TRIM58: variants seen among roughly 807,000 people sequenced by gnomAD.
TRIM58 encodes the protein tripartite motif containing 58.
A neutral mutation model predicts 34.1 loss-of-function variants in TRIM58; 38 were observed. The observed-to-expected ratio is 1.12, with a 90% CI of 0.86 to 1.46. The LOEUF (loss-of-function observed/expected upper bound fraction) is 1.46. Ranked by LOEUF, TRIM58 falls within the 40% of genes most tolerant of loss-of-function variation. The probability of loss-of-function intolerance (pLI) is 0.00; values close to 1 mark genes in which losing one functional copy is unlikely to be tolerated. For missense variants in TRIM58, 677 were observed against 642.0 expected (o/e 1.05, Z -0.59); for synonymous variants, 273 against 275.7 (o/e 0.99, Z 0.10).
rs1209410042 is a variant in TRIM58 at position 247,868,071 on chromosome 1, C to A, written c.871+8C>A. 6.3e-6 allele frequency: 10 copies of A among 1,594,586 alleles called. No homozygotes were observed. The African/African-American group carries it at 1.3e-4, about 21-fold the overall frequency. On this transcript the variant is annotated splice_region_variant and intron_variant, in intron 5 of 5. Transcript: ENST00000366481. ...TCTTAAGGAAGTTCCAAGGTAGTTG[C>A]ATCTTAGAGACTGGGAATTAGGCTG... is the stretch of plus-strand genomic sequence containing the variant.
In TRIM58 at chr1:247,864,916, C is replaced by T. The variant is rs200576401; in HGVS notation, c.728C>T (p.Pro243Leu). ...ADELQERCQR[P>L]ALGLLEGVRG... ...GAGCTGCAGGAGAGGTGCCAGCGCC[C>T]GGCCCTGGGTCTGCTGGAGGTGAGG... Residue 243 changes from proline (P) to leucine (L), a missense_variant, in exon 3 of 6, where the codon CCG becomes CTG. Pro to Leu is a moderately conservative substitution (Grantham distance 98, BLOSUM62 -3). Transcript: ENST00000366481. 1.8e-4 allele frequency: 283 copies of T among 1,588,156 alleles called. No homozygotes were observed. In the African/African-American group the frequency reaches 3.4e-3, roughly 19 times the overall value.
Position 247,857,451 on chromosome 1 carries a change from T to C in TRIM58, c.205T>C (p.Phe69Leu), listed in dbSNP as rs1456305138. 2 of 1,410,448 alleles carry C rather than the reference T, an allele frequency of 1.4e-6. No individual in the cohort carries two copies. The highest frequency in any genetic ancestry group is 1.9e-6 in the Non-Finnish European group (2 of 1,074,918). 87.4% of individuals were successfully genotyped at this position (1,410,448 alleles called of 1,614,324 possible). A position where few individuals can be genotyped will look rare whatever the true frequency, so the allele number is the denominator to read the frequency against. The change falls in exon 1 of 6, where the codon TTT (phenylalanine) becomes CTT (leucine). Residue 69 changes from phenylalanine (F) to leucine (L), a missense_variant. Phe to Leu is a conservative substitution (Grantham distance 22, BLOSUM62 0). Transcript: ENST00000366481. ...CCGGGGCCCCTTCCGGCCCTCGGGC[T>C]TTCGCCCCAACCGGCAGCTGGCGGG... ...QCRGPFRPSG[F>L]RPNRQLAGLV...
intron 5 of TRIM58, among the ~76,000 whole-genome samples, chr1:247,874,180 C>T (rs1398528261): frequency 1.3e-5 from 2 of 152,170 alleles, no homozygotes; most frequent in Non-Finnish European, 2.9e-5. Flanking sequence ...TATTTTGGCT[C>T]ATGGTTCTGT....
chr1:247,868,117 C>T lies in TRIM58; in HGVS notation c.871+54C>T, dbSNP rs373916730. 2.6e-5 allele frequency: 38 copies of T among 1,473,070 alleles called. 2 individuals are homozygous for T. The highest frequency in any genetic ancestry group is 1.9e-4 in the East Asian group (8 of 41,916). 91.2% of individuals were successfully genotyped at this position (1,473,070 alleles called of 1,614,324 possible). A position where few individuals can be genotyped will look rare whatever the true frequency, so the allele number is the denominator to read the frequency against. ...GGCTGCCTGGGGTTTGAAGAAGTTC[C>T]AAGGTAGTTGCATCTTAGAGACTGG... On this transcript the variant is annotated intron_variant, in intron 5 of 5. Transcript: ENST00000366481.
At chr1:247,858,459 A>G (rs12354405) in intron 1 of TRIM58, among the ~76,000 whole-genome samples, 21,845 of 152,194 alleles carry the variant, frequency 0.14, 1,701 homozygotes, top group Admixed American at 0.17. Flanking sequence ...AACTGCCAGC[A>G]CAGAGGAGGT....
intron 3 of TRIM58, among the ~76,000 whole-genome samples, chr1:247,866,558 A>G (rs1452787217): frequency 6.6e-6 from 1 of 152,082 alleles, no homozygotes; most frequent in African/African-American, 2.4e-5. Flanking sequence ...GGCATGAGCC[A>G]CCCCGCCTGG....
At chr1:247,859,894 A>G (rs557560161) in intron 1 of TRIM58, among the ~76,000 whole-genome samples, 1 of 152,112 alleles carries the variant, frequency 6.6e-6, no homozygotes, top group East Asian at 1.9e-4. Flanking sequence ...ATTTTATCTA[A>G]TATCATTCTC....
At position 247,879,396 on chromosome 1, in the gene TRIM58, A is replaced by G. The variant is rs1659359265; in HGVS notation, c.*2907A>G. Reference sequence around the variant, plus strand: ...TCTGGATTATGACTTTCGTTTCCTCACAGTGGTCCTGCTTGGGCTCTAGGC... The same window carrying G: ...TCTGGATTATGACTTTCGTTTCCTCGCAGTGGTCCTGCTTGGGCTCTAGGC... On this transcript the variant is annotated 3_prime_UTR_variant, in exon 6 of 6. Transcript: ENST00000366481. Among the ~76,000 whole-genome samples, 1 of 152,068 alleles carries G rather than the reference A, an allele frequency of 6.6e-6. No homozygotes were observed. Among genetic ancestry groups the G allele is most frequent in the Admixed American group, 6.6e-5 (1 of 15,264 alleles).
intron 2 of TRIM58, among the ~76,000 whole-genome samples, chr1:247,861,258 TAC>T (rs1328868323): frequency 1.3e-5 from 2 of 151,740 alleles, no homozygotes; most frequent in South Asian, 4.2e-4. Flanking sequence ...CAGTGATTCA[TAC>T]ACACACAGTG....
chr1:247,867,617 G>A (rs916437652), intron 3 of TRIM58, among the ~76,000 whole-genome samples: 1 of 152,016 alleles, frequency 6.6e-6, no homozygotes, highest in Admixed American at 6.6e-5. Flanking sequence ...AGGCAGGGAG[G>A]TGGAGGTCGC....
intron 5 of TRIM58, among the ~76,000 whole-genome samples, chr1:247,875,153 C>G (rs1453924636): frequency 6.6e-6 from 1 of 152,176 alleles, no homozygotes; most frequent in Non-Finnish European, 1.5e-5. Context: ...CCTTGATAAT[C>G]TCTCTCTTGT....
intron 5 of TRIM58, among the ~76,000 whole-genome samples, chr1:247,870,169 T>C (rs1340010677): frequency 1.3e-5 from 2 of 152,206 alleles, no homozygotes; most frequent in East Asian, 1.9e-4. Flanking sequence ...CAGTGTGTGA[T>C]GGTCTCCAAG....
intron 1 of TRIM58, among the ~76,000 whole-genome samples, chr1:247,858,196 G>C (rs1276913325): frequency 6.6e-6 from 1 of 152,168 alleles, no homozygotes; most frequent in Admixed American, 6.6e-5. Flanking sequence ...AGGTGCACGT[G>C]CCTCCTGAAG....
At chr1:247,858,752 CTTTTTTTTTTT>C (rs386370399) in intron 1 of TRIM58, among the ~76,000 whole-genome samples, 3 of 87,856 alleles carry the variant, frequency 3.4e-5, no homozygotes, top group East Asian at 4.9e-4. Context: ...TTGGTAGTAA[CTTTTTTTTTTT>C]TTTTTTTTTT....
chr1:247,874,437 A>C (rs1283298503), intron 5 of TRIM58, among the ~76,000 whole-genome samples: 1 of 152,168 alleles, frequency 6.6e-6, no homozygotes, highest in Non-Finnish European at 1.5e-5. Context: ...AGCACCCCCC[A>C]CTAGGCCCCA....
chr1:247,875,265 G>A (rs968854570), intron 5 of TRIM58, among the ~76,000 whole-genome samples: 1 of 151,216 alleles, frequency 6.6e-6, no homozygotes, highest in Non-Finnish European at 1.5e-5. Flanking sequence ...TGGAAGTAGT[G>A]GATTTAATAT....
chr1:247,876,336 C>CAA lies in TRIM58; in HGVS notation c.1309_1310dup (p.Asn437LysfsTer28). 6.2e-7 allele frequency: 1 copy of CAA among 1,614,216 alleles called. No homozygotes were observed. Among genetic ancestry groups the CAA allele is most frequent in the Non-Finnish European group, 8.5e-7 (1 of 1,180,046 alleles). ...CAGATGGATCTTATATCTACACATT[C>CAA]AACCAACTCTTCTCTGGTCTTCTTC... On this transcript the variant is annotated frameshift_variant, in exon 6 of 6. Transcript: ENST00000366481. LOFTEE classifies it low-confidence loss of function (END_TRUNC).
chr1:247,874,249 C>T (rs1659224258), intron 5 of TRIM58, among the ~76,000 whole-genome samples: 1 of 152,190 alleles, frequency 6.6e-6, no homozygotes, highest in Admixed American at 6.5e-5. Flanking sequence ...AGGACACCTA[C>T]AGTCATGGTG....
chr1:247,875,328 T>A (rs948336176), intron 5 of TRIM58, among the ~76,000 whole-genome samples: 3 of 152,120 alleles, frequency 2.0e-5, no homozygotes, highest in Admixed American at 6.6e-5. Context: ...GTTTATAAAT[T>A]TTATGTTAAA....
Sources: allele counts gnomAD v4.1 joint callset (sites outside exome capture counted in the v4.1 genomes callset), GRCh38; gene constraint gnomAD v4.1.1; transcripts MANE v1.5; gene names NCBI Gene and HGNC (gene_info 2026-07-23, HGNC 2026-07-21).